INTS3: variants seen among roughly 807,000 people sequenced by gnomAD.
INTS3 encodes integrator complex subunit 3.
INTS3 carries 34 observed loss-of-function variants against 146.3 expected under a neutral mutation model. That is an observed-to-expected ratio of 0.23 (90% CI 0.18 to 0.31). INTS3 has a LOEUF of 0.31. INTS3 is among the 10% of genes least tolerant of loss of function. INTS3 has a pLI of 1.00. For synonymous variants in INTS3, 475 were observed against 494.9 expected (o/e 0.96, Z 0.53); for missense variants, 757 against 1,304.2 (o/e 0.58, Z 6.46).
At chr1:153,755,490 C>G (rs1416119896) in intron 9 of INTS3, among the ~76,000 whole-genome samples, 1 of 152,094 alleles carries the variant, frequency 6.6e-6, no homozygotes, top group Non-Finnish European at 1.5e-5. Context: ...GAACTTCCGA[C>G]CTCAGGTGAT....
In INTS3 at chr1:153,757,155, G is replaced by A. The variant is rs1672190709; in HGVS notation, c.958-417G>A. Among the ~76,000 whole-genome samples, 1 of 152,210 alleles carries A rather than the reference G, an allele frequency of 6.6e-6. No individual in the cohort carries two copies. Among genetic ancestry groups the A allele is most frequent in the Non-Finnish European group, 1.5e-5 (1 of 68,050 alleles). ...CAGCACCAGGAAATTCTCAGTTGAT[G>A]TTGAGTGGTGAACAGACCCAGCTCT... On this transcript the variant is annotated intron_variant, in intron 9 of 29. Coordinates refer to ENST00000318967, the MANE Select transcript of INTS3 (RefSeq NM_023015.5). This position sits in a 1 kb window ranked among gnomAD's most constrained non-coding sequence, Gnocchi z 4.0.
Position 153,772,921 on chromosome 1 carries a change from T to A in INTS3, c.2895-4T>A, listed in dbSNP as rs750162132. 5.6e-6 allele frequency: 9 copies of A among 1,614,014 alleles called. No homozygotes were observed. The East Asian group carries it at 2.0e-4, about 36-fold the overall frequency. On this transcript the variant is annotated splice_region_variant and splice_polypyrimidine_tract_variant and intron_variant, in intron 28 of 29. Transcript: ENST00000318967. The surrounding 1 kb of genome is among the most constrained non-coding windows in gnomAD (Gnocchi z 4.6). ...CTCAAAGAGCTACCGCTCCTTTTCC[T>A]TAGATTCAGTGATCTCTTCTCCCTG... is the stretch of plus-strand genomic sequence containing the variant.
intron 25 of INTS3, among the ~76,000 whole-genome samples, 164 bp downstream of exon 25, chr1:153,770,897 C>T (rs1672825495): frequency 6.6e-6 from 1 of 152,198 alleles, no homozygotes. Context: ...GAGCAGCTCC[C>T]CTGGGATCTG....
intron 25 of INTS3, among the ~76,000 whole-genome samples, 194 bp downstream of exon 25, chr1:153,770,927 C>A (rs1672828192): frequency 6.6e-6 from 1 of 152,038 alleles, no homozygotes; most frequent in Non-Finnish European, 1.5e-5. Flanking sequence ...TCGACTTTAC[C>A]CCCCTGCCCA....
At chr1:153,767,355 A>G (rs897508422) in intron 20 of INTS3, 1 of 277,572 alleles carries the variant, frequency 3.6e-6, no homozygotes, top group Non-Finnish European at 6.7e-6. Context: ...AGAGCCCAGA[A>G]AGCAAGAGAG....
Position 153,764,191 on chromosome 1 carries a change from G to A in INTS3, c.1895G>A (p.Gly632Glu), listed in dbSNP as rs1672489667. ...LQELFKAHFR[G>E]EVLPEEITEE... is the part of the protein sequence containing the mutation. ...GAGCTCTTCAAGGCCCACTTTCGAG[G>A]GGAGGTCCTGCCTGAGGAGATTACT... The change falls in exon 18 of 30, where the codon GGG becomes GAG. Residue 632 changes from glycine to glutamate, a missense_variant. Physicochemically the swap from Gly to Glu is moderately conservative, Grantham distance 98. This residue lies in a region of INTS3 where 89 missense variants were observed against 210.9 expected (regional missense o/e 0.42). Transcript: ENST00000318967. The A allele has an allele frequency of 6.2e-7, 1 of 1,613,814 alleles. No individual in the cohort carries two copies. Among genetic ancestry groups the A allele is most frequent in the African/African-American group, 1.3e-5 (1 of 74,848 alleles).
chr1:153,740,139 A>G (rs1331866401), intron 1 of INTS3, among the ~76,000 whole-genome samples: 33 of 131,948 alleles, frequency 2.5e-4, no homozygotes, highest in African/African-American at 5.2e-4. Flanking sequence ...TCGCTCTGTC[A>G]CCCAGGCTGG....
intron 25 of INTS3, among the ~76,000 whole-genome samples, chr1:153,771,153 C>T (rs1672842773): frequency 6.6e-6 from 1 of 152,184 alleles, no homozygotes; most frequent in Non-Finnish European, 1.5e-5. Context: ...AGAGCAGAGC[C>T]AGCTGGACCT....
chr1:153,756,026 T>TG (rs1431834451), intron 9 of INTS3, among the ~76,000 whole-genome samples: 2 of 150,202 alleles, frequency 1.3e-5, no homozygotes, highest in Non-Finnish European at 3.0e-5. Context: ...GGCAACAGAG[T>TG]GAAACGCTGT....
At chr1:153,760,100 C>A in intron 11 of INTS3, 1 of 585,314 alleles carries the variant, frequency 1.7e-6, no homozygotes, top group East Asian at 2.8e-5. Flanking sequence ...GGCGTGGTGG[C>A]GCACACCTGT....
intron 25 of INTS3, 131 bp downstream of exon 25, chr1:153,770,864 T>G: frequency 1.4e-6 from 1 of 733,632 alleles, no homozygotes; most frequent in Non-Finnish European, 2.4e-6. Flanking sequence ...TATTCTGCCC[T>G]TCCCCCAACG....
intron 25 of INTS3, among the ~76,000 whole-genome samples, chr1:153,770,980 C>A (rs1440104029): frequency 6.6e-6 from 1 of 152,138 alleles, no homozygotes; most frequent in Non-Finnish European, 1.5e-5. Context: ...GACCGGACAT[C>A]CCTGTTTCCT....
intron 10 of INTS3, among the ~76,000 whole-genome samples, chr1:153,759,105 A>C (rs1008229265): frequency 6.6e-6 from 1 of 151,914 alleles, no homozygotes; most frequent in Non-Finnish European, 1.5e-5. Flanking sequence ...TGACATGGCA[A>C]GACCCTCATC....
intron 1 of INTS3, among the ~76,000 whole-genome samples, chr1:153,739,970 T>A: frequency 6.6e-6 from 1 of 150,864 alleles, no homozygotes; most frequent in East Asian, 2.0e-4. Context: ...CCGGCTAATT[T>A]TTTGTATTTT....
At chr1:153,755,739 G>A (rs1320240723) in intron 9 of INTS3, among the ~76,000 whole-genome samples, 1 of 152,162 alleles carries the variant, frequency 6.6e-6, no homozygotes, top group African/African-American at 2.4e-5. Context: ...TGCAGGACTA[G>A]GTATGATAAA....
At chr1:153,770,101 G>A in intron 23 of INTS3, 97 bp from the exon 24 acceptor site, 1 of 460,412 alleles carries the variant, frequency 2.2e-6, no homozygotes, top group Admixed American at 2.8e-5. Context: ...GTGTGTGTGT[G>A]TGCTGGTAGT....
chr1:153,771,408 C>A (rs1358285818), intron 25 of INTS3, among the ~76,000 whole-genome samples: 2 of 152,176 alleles, frequency 1.3e-5, no homozygotes, highest in African/African-American at 2.4e-5. Context: ...CCTCTCCTGC[C>A]CCCTTCCTCC....
Position 153,767,731 on chromosome 1 carries a change from G to A in INTS3, c.2148G>A (p.Leu716=), listed in dbSNP as rs778159662. ...AGTCATTTGCCCAGGCTACCCAGCTGGGCGATCTGCACACCTGCCTGATGA... is the reference window on the plus strand; with the variant it reads ...AGTCATTTGCCCAGGCTACCCAGCTAGGCGATCTGCACACCTGCCTGATGA... ...LYESFAQATQ[L]GDLHTCLMMD... is the part of the protein sequence containing the mutation. The change falls in exon 21 of 30, where the codon CTG becomes CTA. Residue 716 remains leucine (L), a synonymous_variant. Transcript: ENST00000318967. 6.2e-7 allele frequency: 1 copy of A among 1,612,714 alleles called. No individual in the cohort carries two copies. The highest frequency in any genetic ancestry group is 1.7e-5 in the Admixed American group (1 of 59,928).
At chr1:153,747,717 G>A in intron 5 of INTS3, 1 of 293,786 alleles carries the variant, frequency 3.4e-6, no homozygotes, top group South Asian at 4.6e-5. Context: ...AAGTCCCTGT[G>A]CTTTCAGAAA....
Sources: allele counts gnomAD v4.1 joint callset (sites outside exome capture counted in the v4.1 genomes callset), GRCh38; gene constraint gnomAD v4.1.1; regional missense constraint gnomAD v4.1.1; non-coding constraint Gnocchi (gnomAD v3.1); transcripts MANE v1.5; gene names NCBI Gene and HGNC (gene_info 2026-07-23, HGNC 2026-07-21).